Variants in EIF3C observed in about 807,000 individuals in gnomAD.
EIF3C encodes eukaryotic translation initiation factor 3 subunit C, also known as cell migration-inducing protein 17.
A neutral mutation model predicts 11.1 loss-of-function variants in EIF3C; 2 were observed. The ratio of observed to expected loss-of-function variants is 0.18; its 90% CI spans 0.07 to 0.57. The LOEUF is 0.57. Among genes scored for constraint, EIF3C ranks in the 20% least tolerant of loss-of-function variants. The probability of loss-of-function intolerance (pLI) is 0.92; values close to 1 mark genes in which losing one functional copy is unlikely to be tolerated. For synonymous variants in EIF3C, 2 were observed against 41.5 expected (o/e 0.05, Z 3.66); for missense variants, 16 against 114.6 (o/e 0.14, Z 3.93).
chr16:28,689,544 G>C lies in EIF3C; in HGVS notation c.-31+716G>C. Among the ~76,000 whole-genome samples the C allele has an allele frequency of 4.9e-5, 2 of 40,636 alleles. 1 individual carries two copies. Among genetic ancestry groups the C allele is most frequent in the Non-Finnish European group, 8.5e-5 (2 of 23,638 alleles). 26.7% of individuals were successfully genotyped at this position (40,636 alleles called of 152,430 possible). A position where few individuals can be genotyped will look rare whatever the true frequency, so the allele number is the denominator to read the frequency against. ...GTCTTTATAAAGTACCAACTCCAGC[G>C]CATGTCCCGGGAGCCCAAGTGGCTG... On this transcript the variant is annotated intron_variant, in intron 1 of 20. Coordinates refer to the EIF3C transcript ENST00000566501.
intron 1 of EIF3C, among the ~76,000 whole-genome samples, chr16:28,691,195 AAT>A (rs1489900765): frequency 2.3e-5 from 1 of 43,132 alleles, no homozygotes. Flanking sequence ...ATATATATAT[AAT>A]ATATATATTA....
rs911244336 is a variant in EIF3C, at chr16:28,729,784, A to G, written c.1819-2045A>G. On this transcript the variant is annotated intron_variant, in intron 15 of 20. Coordinates refer to ENST00000331666, the MANE Select transcript of EIF3C (RefSeq NM_003752.5). ...CTTCATTGCTGTGCAACATAACAAA[A>G]CCCTGTCTCTACAAAAAATACAGAA... 9.0e-5 allele frequency among the ~76,000 whole-genome samples: 13 copies of G among 145,040 alleles called. 1 individual carries two copies. Among genetic ancestry groups the G allele is most frequent in the Admixed American group, 6.9e-4 (10 of 14,482 alleles).
At position 28,688,821 on chromosome 16, in the gene EIF3C, C is replaced by A. The variant is rs2048208337; in HGVS notation, c.-38C>A. 6.4e-5 allele frequency: 2 copies of A among 31,354 alleles called. 1 individual carries two copies. Among genetic ancestry groups the A allele is most frequent in the Non-Finnish European group, 1.0e-4 (2 of 19,220 alleles). 1.9% of individuals were successfully genotyped at this position (31,354 alleles called of 1,614,324 possible). On this transcript the variant is annotated 5_prime_UTR_variant, in exon 1 of 21. Coordinates refer to the EIF3C transcript ENST00000566501. ...AGACCCAGCCTTAACGAGGCTACCC[C>A]CTTCCAGGTTTGTTCTTTCTCTGGG...
intron 1 of EIF3C, among the ~76,000 whole-genome samples, chr16:28,696,958 T>A (rs2048241804): frequency 2.1e-5 from 1 of 47,434 alleles, no homozygotes; most frequent in Non-Finnish European, 3.6e-5. Context: ...GCATGCACAC[T>A]ACTATCTTTT....
intron 8 of EIF3C, chr16:28,722,203 G>A (rs2151795733): frequency 5.3e-5 from 1 of 18,966 alleles, no homozygotes; most frequent in East Asian, 1.0e-3. Flanking sequence ...TGTTCAAATG[G>A]TAGATTATGG....
chr16:28,698,395 C>G (rs2048256518), intron 1 of EIF3C, among the ~76,000 whole-genome samples: 1 of 98,864 alleles, frequency 1.0e-5, no homozygotes, highest in East Asian at 3.4e-4. Context: ...GACCCTCCCA[C>G]CTCCCTCCCG....
rs2048235408 is a variant in EIF3C, at chr16:28,695,620, C to T, written c.-31+6792C>T. Among the ~76,000 whole-genome samples the T allele has an allele frequency of 4.3e-5, 2 of 46,138 alleles. 1 individual carries two copies. Among genetic ancestry groups the T allele is most frequent in the Non-Finnish European group, 7.8e-5 (2 of 25,650 alleles). 30.3% of individuals were successfully genotyped at this position (46,138 alleles called of 152,430 possible). A position where few individuals can be genotyped will look rare whatever the true frequency, so the allele number is the denominator to read the frequency against. On this transcript the variant is annotated intron_variant, in intron 1 of 20. Coordinates refer to the EIF3C transcript ENST00000566501. ...ACTGACAAATCTCCACACTGGCTCT[C>T]CCACCCATGGAGTGAGAGAATCATG...
intron 10 of EIF3C, among the ~76,000 whole-genome samples, chr16:28,723,773 CTT>C (rs1157386167): frequency 3.3e-3 from 13 of 3,938 alleles, no homozygotes; most frequent in Non-Finnish European, 5.2e-3. Context: ...ATGTTCTCCT[CTT>C]TTTTTTTTTT....
chr16:28,698,390 T>C (rs1477884474), intron 1 of EIF3C, among the ~76,000 whole-genome samples: 10 of 83,032 alleles, frequency 1.2e-4, no homozygotes, highest in Admixed American at 3.1e-4. Flanking sequence ...GGGCTGACCC[T>C]CCCACCTCCC....
At chr16:28,696,136 C>G (rs867156525) in intron 1 of EIF3C, among the ~76,000 whole-genome samples, 1 of 50,938 alleles carries the variant, frequency 2.0e-5, no homozygotes, top group Non-Finnish European at 3.5e-5. Flanking sequence ...GAGGCCGAGG[C>G]GGGTGGATCA....
intron 1 of EIF3C, among the ~76,000 whole-genome samples, chr16:28,698,235 G>T (rs2048253868): frequency 1.6e-5 from 2 of 127,682 alleles, no homozygotes; most frequent in African/African-American, 3.0e-5. Context: ...CCCGGACGGG[G>T]CGGCTGGCCG....
chr16:28,707,123 G>A (rs1464532542), upstream of EIF3C, among the ~76,000 whole-genome samples: 3 of 17,562 alleles, frequency 1.7e-4, no homozygotes, highest in Non-Finnish European at 2.6e-4. Flanking sequence ...TTGCTCTGTC[G>A]CCCAGGCTGG....
intron 1 of EIF3C, among the ~76,000 whole-genome samples, chr16:28,703,722 TA>T (rs1310010404): frequency 1.0e-5 from 1 of 95,346 alleles, no homozygotes; most frequent in African/African-American, 4.6e-5. Flanking sequence ...CCATCTCTAC[TA>T]AAAATACAAA....
chr16:28,725,613 A>AC (rs1355562413), intron 13 of EIF3C, among the ~76,000 whole-genome samples: 38 of 8,538 alleles, frequency 4.5e-3, no homozygotes, highest in African/African-American at 7.2e-3. Flanking sequence ...ACACACACAC[A>AC]AAAAAAATTA....
In EIF3C at chr16:28,700,923, C is replaced by T. The variant is rs551603890; in HGVS notation, c.-30-10734C>T. 32 of 206,438 alleles carry T rather than the reference C, an allele frequency of 1.6e-4. 8 individuals are homozygous for T. The highest frequency in any genetic ancestry group is 6.3e-4 in the Admixed American group (10 of 15,784). The allele number at this position is 206,438 out of a possible 1,614,324, so 12.8% of individuals were successfully genotyped here. A position where few individuals can be genotyped will look rare whatever the true frequency, so the allele number is the denominator to read the frequency against. The stretch of plus-strand genomic sequence containing the variant: ...CGTCTTTTCTTTTTTTTTTTTGAGA[C>T]GGAGTCTTGCTCTGTCGCCCAGGCT... On this transcript the variant is annotated intron_variant, in intron 1 of 20. Coordinates refer to the EIF3C transcript ENST00000566501.
chr16:28,698,150 G>A (rs1596703422), intron 1 of EIF3C, among the ~76,000 whole-genome samples: 3 of 96,292 alleles, frequency 3.1e-5, no homozygotes, highest in African/African-American at 8.6e-5. Flanking sequence ...CCTCCCTCCC[G>A]GACGGGGCGG....
At chr16:28,696,401 C>T (rs2048239355) in intron 1 of EIF3C, among the ~76,000 whole-genome samples, 1 of 46,090 alleles carries the variant, frequency 2.2e-5, no homozygotes, top group African/African-American at 1.7e-4. Flanking sequence ...AATGGGCAGG[C>T]GTTTGGCATA....
intron 2 of EIF3C, among the ~76,000 whole-genome samples, chr16:28,712,707 A>G (rs1171510583): frequency 1.3e-5 from 2 of 148,648 alleles, no homozygotes; most frequent in Non-Finnish European, 1.5e-5. Flanking sequence ...GTCATTTGCC[A>G]TAAAATACCA....
intron 1 of EIF3C, chr16:28,700,560 G>T: frequency 3.4e-6 from 1 of 292,404 alleles, no homozygotes; most frequent in Non-Finnish European, 6.3e-6. Context: ...GCTGCTTCTT[G>T]AGCTCCTCCT....
Sources: allele counts gnomAD v4.1 joint callset (sites outside exome capture counted in the v4.1 genomes callset), GRCh38; gene constraint gnomAD v4.1.1; transcripts MANE v1.5; gene names NCBI Gene and HGNC (gene_info 2026-07-23, HGNC 2026-07-21).